Variants in GRM7 observed in about 807,000 individuals in gnomAD.
GRM7 encodes the protein metabotropic glutamate receptor 7.
Under a neutral mutation model 84.5 loss-of-function variants are expected in GRM7, and 35 were observed. That is an observed-to-expected ratio of 0.41 (90% CI 0.32 to 0.55). The LOEUF (loss-of-function observed/expected upper bound fraction) is 0.55, where lower values mean the gene tolerates loss of function less well. GRM7 is among the 20% of genes least tolerant of loss of function. The pLI is 0.19. For missense variants in GRM7, 1,003 were observed against 1,194.6 expected (o/e 0.84, Z 2.36); for synonymous variants, 487 against 455.1 (o/e 1.07, Z -0.89).
At chr3:7,161,837 A>T (rs1444339320) in intron 2 of GRM7, among the ~76,000 whole-genome samples, 2 of 152,234 alleles carry the variant, frequency 1.3e-5, no homozygotes, top group East Asian at 3.8e-4. Flanking sequence ...ATATAGCGTT[A>T]GGCAAATATC....
At chr3:7,324,181 A>G (rs1447287971) in intron 4 of GRM7, among the ~76,000 whole-genome samples, 11 of 152,170 alleles carry the variant, frequency 7.2e-5, no homozygotes, top group Middle Eastern at 3.2e-3. Flanking sequence ...TTTTCAGGCA[A>G]TGGTGGTCAG....
chr3:7,706,659 A>T (rs1701398861), intron 9 of GRM7, among the ~76,000 whole-genome samples: 1 of 152,194 alleles, frequency 6.6e-6, no homozygotes, highest in African/African-American at 2.4e-5. Context: ...ACTTTCCTGT[A>T]TCTTTGTGTG....
intron 7 of GRM7, among the ~76,000 whole-genome samples, chr3:7,482,432 C>T (rs1425074147): frequency 6.6e-6 from 1 of 152,102 alleles, no homozygotes; most frequent in African/African-American, 2.4e-5. Flanking sequence ...TAACCATGTC[C>T]CATTAAGGTA....
intron 1 of GRM7, among the ~76,000 whole-genome samples, chr3:7,061,875 G>A (rs1697444328): frequency 6.6e-6 from 1 of 151,704 alleles, no homozygotes; most frequent in African/African-American, 2.4e-5. Flanking sequence ...TATAAGTGCT[G>A]GGATTTGAAC....
chr3:6,965,996 A>G (rs2125087796), intron 1 of GRM7, among the ~76,000 whole-genome samples: 1 of 152,312 alleles, frequency 6.6e-6, no homozygotes, highest in Admixed American at 6.5e-5. Flanking sequence ...CTTTGTGCCA[A>G]GGTGATCTGA....
chr3:7,293,682 A>G (rs559043672), intron 2 of GRM7, among the ~76,000 whole-genome samples: 30 of 152,330 alleles, frequency 2.0e-4, no homozygotes, highest in Admixed American at 5.2e-4. Flanking sequence ...CATTACTGAG[A>G]AATAAACTAA....
At chr3:7,169,543 A>T (rs773073967) in intron 2 of GRM7, among the ~76,000 whole-genome samples, 23 of 152,188 alleles carry the variant, frequency 1.5e-4, no homozygotes, top group Non-Finnish European at 3.1e-4. Context: ...TTAAATGTGT[A>T]ATTTTATCTG....
chr3:7,098,040 G>A (rs887180216), intron 1 of GRM7, among the ~76,000 whole-genome samples: 2 of 151,930 alleles, frequency 1.3e-5, no homozygotes, highest in Non-Finnish European at 2.9e-5. Context: ...GAAACATATG[G>A]ATTTTGTGTT....
chr3:7,465,091 A>G (rs1332444089), intron 7 of GRM7, among the ~76,000 whole-genome samples: 1 of 152,158 alleles, frequency 6.6e-6, no homozygotes, highest in African/African-American at 2.4e-5. Context: ...GGCTAACCAT[A>G]TACTTTCGAT....
intron 1 of GRM7, among the ~76,000 whole-genome samples, chr3:7,009,480 T>C (rs1201707388): frequency 6.6e-6 from 1 of 152,224 alleles, no homozygotes; most frequent in Non-Finnish European, 1.5e-5. Context: ...CTATCCATTT[T>C]CTTATGTATC....
intron 1 of GRM7, among the ~76,000 whole-genome samples, chr3:6,961,897 C>T (rs529885194): frequency 1.3e-5 from 2 of 152,272 alleles, no homozygotes; most frequent in African/African-American, 4.8e-5. Context: ...TACTACACTA[C>T]ACCATCCCAT....
At chr3:7,276,270 A>C (rs538141404) in intron 2 of GRM7, among the ~76,000 whole-genome samples, 103 of 148,024 alleles carry the variant, frequency 7.0e-4, no homozygotes, top group African/African-American at 1.9e-3. Context: ...TGTCCTCTCA[A>C]TGTAGAAACA....
chr3:7,378,867 T>G (rs1694468466), intron 4 of GRM7, among the ~76,000 whole-genome samples: 1 of 152,148 alleles, frequency 6.6e-6, no homozygotes, highest in Admixed American at 6.5e-5. Flanking sequence ...GACATCCTAC[T>G]TTTTCTCCCT....
intron 2 of GRM7, among the ~76,000 whole-genome samples, chr3:7,251,475 T>G (rs1030608209): frequency 3.9e-5 from 6 of 152,164 alleles, no homozygotes; most frequent in African/African-American, 1.4e-4. Context: ...AAATACAAAA[T>G]GCCATTCAGA....
chr3:7,074,066 A>G (rs1031433037), intron 1 of GRM7, among the ~76,000 whole-genome samples: 2 of 152,248 alleles, frequency 1.3e-5, no homozygotes, highest in Non-Finnish European at 2.9e-5. Context: ...GAAAAGAGAT[A>G]TGAACAAGAA....
chr3:7,307,457 C>T (rs1263604768), intron 4 of GRM7, among the ~76,000 whole-genome samples: 1 of 152,228 alleles, frequency 6.6e-6, no homozygotes, highest in African/African-American at 2.4e-5. Flanking sequence ...AAAAAGAACT[C>T]TATCCTCTCA....
At chr3:7,497,905 T>C (rs6764561) in intron 7 of GRM7, among the ~76,000 whole-genome samples, 73,975 of 151,926 alleles carry the variant, frequency 0.49, 18,424 homozygotes, top group East Asian at 0.72. Flanking sequence ...AATTGTGGGA[T>C]GTGATAGGAA....
intron 1 of GRM7, among the ~76,000 whole-genome samples, chr3:7,044,152 G>A (rs1045545031): frequency 5.3e-4 from 80 of 152,290 alleles, no homozygotes; most frequent in African/African-American, 1.8e-3. Flanking sequence ...ATTGATCAGA[G>A]TAGTGCAGGG....
At chr3:7,420,937 A>G (rs1182299190) in intron 5 of GRM7, among the ~76,000 whole-genome samples, 1 of 152,200 alleles carries the variant, frequency 6.6e-6, no homozygotes, top group Non-Finnish European at 1.5e-5. Flanking sequence ...TGTCACATCT[A>G]AAATCCTCAT....
Sources: allele counts gnomAD v4.1 joint callset (sites outside exome capture counted in the v4.1 genomes callset), GRCh38; gene constraint gnomAD v4.1.1; transcripts MANE v1.5; gene names NCBI Gene and HGNC (gene_info 2026-07-23, HGNC 2026-07-21).